The following MEFV variants were observed in gnomAD, a reference collection of about 807,000 sequenced individuals.
The protein encoded by MEFV is MEFV innate immunity regulator, pyrin.
A neutral mutation model predicts 62.5 loss-of-function variants in MEFV; 60 were observed. The ratio of observed to expected loss-of-function variants is 0.96; its 90% CI spans 0.78 to 1.19. The LOEUF (loss-of-function observed/expected upper bound fraction) is 1.19, where lower values mean the gene tolerates loss of function less well. MEFV is among the 50% of genes most tolerant of loss of function. The pLI, the probability that MEFV is intolerant of heterozygous loss-of-function variation, is 0.00. For missense variants in MEFV, 1,169 were observed against 1,004.5 expected (o/e 1.16, Z -2.21); for synonymous variants, 500 against 415.2 (o/e 1.20, Z -2.48).
chr16:3,250,066 G>A (rs1005402541), intron 2 of MEFV, among the ~76,000 whole-genome samples: 1 of 152,196 alleles, frequency 6.6e-6, no homozygotes, highest in African/African-American at 2.4e-5. Context: ...CTCCTGCACA[G>A]ACATAGATCT....
At position 3,256,295 on chromosome 16, in the gene MEFV, G is replaced by T. The variant is rs781767206; in HGVS notation, c.277+16C>A. 1 of 1,612,454 alleles carries T rather than the reference G, an allele frequency of 6.2e-7. No individual in the cohort carries two copies. The highest frequency in any genetic ancestry group is 2.2e-5 in the East Asian group (1 of 44,866). ...GCACTCAGCACTGGATGAGGAGGAG[G>T]CCTGGGCCCGCTTACCCTGAATGGC... On this transcript the variant is annotated intron_variant, in intron 1 of 9. Coordinates refer to ENST00000219596, the MANE Select transcript of MEFV (RefSeq NM_000243.3).
rs777845714 is a variant in MEFV at position 3,247,048 on chromosome 16, T to C, written c.1555A>G (p.Lys519Glu). 1 of 1,614,218 alleles carries C rather than the reference T, an allele frequency of 6.2e-7. No homozygotes were observed. Among genetic ancestry groups the C allele is most frequent in the South Asian group, 1.1e-5 (1 of 91,088 alleles). Reference protein sequence around the residue: ...LDALIGELEAKECQSEWELLQ... With the variant: ...LDALIGELEAEECQSEWELLQ... Reference sequence around the variant, plus strand: ...AGTTCCCATTCTGACTGGCACTCCTTGGCCTCCAGTTCCCCAATCAGCGCA... The same window carrying C: ...AGTTCCCATTCTGACTGGCACTCCTCGGCCTCCAGTTCCCCAATCAGCGCA... The change falls in exon 5 of 10, where the codon AAG becomes GAG. Residue 519 changes from lysine to glutamate, a missense_variant. Lys to Glu is a moderately conservative substitution (Grantham distance 56). Transcript: ENST00000219596.
chr16:3,244,008 T>G, intron 8 of MEFV, 116 bp from the exon 9 acceptor site: 3 of 1,560,316 alleles, frequency 1.9e-6, no homozygotes, highest in Non-Finnish European at 1.7e-6. Flanking sequence ...GGGCCCTGCA[T>G]GCTATGTTGG....
chr16:3,254,555 C>T lies in MEFV; in HGVS notation c.513G>A (p.Ala171=), dbSNP rs745622682. 1.9e-6 allele frequency: 3 copies of T among 1,560,152 alleles called. No individual in the cohort carries two copies. The highest frequency in any genetic ancestry group is 2.4e-5 in the East Asian group (1 of 42,252). ...RREKASEGLD[A]QGKPRTRSPA... ...GGCTCCGGGTCCGAGGCTTGCCCTG[C>T]GCGTCCAGGCCCTCCGAGGCCTTCT... Residue 171 remains alanine (A), a synonymous_variant, in exon 2 of 10, where the codon GCG becomes GCA. Coordinates refer to ENST00000219596, the MANE Select transcript of MEFV (RefSeq NM_000243.3).
At chr16:3,246,981 G>A in intron 5 of MEFV, 35 bp downstream of exon 5, 2 of 1,596,764 alleles carry the variant, frequency 1.3e-6, no homozygotes, top group Non-Finnish European at 1.7e-6. Flanking sequence ...GATAGGCACA[G>A]GGGACCCAAG....
intron 3 of MEFV, 105 bp downstream of exon 3, chr16:3,249,326 A>G: frequency 9.6e-7 from 1 of 1,041,830 alleles, no homozygotes. Context: ...CAGCCCAAGA[A>G]TGCTGGTTAA....
In MEFV at chr16:3,246,478, T is replaced by G. The variant is rs56260135; in HGVS notation, c.1610+47A>C. The stretch of plus-strand genomic sequence containing the variant: ...CCCTTCTGGGACTGTCTCCCCCATA[T>G]GCTTTCTGCAAGACACCCCAGGGTA... On this transcript the variant is annotated intron_variant, in intron 6 of 9. Transcript: ENST00000219596. The G allele has an allele frequency of 3.6e-3, 5,798 of 1,612,536 alleles. 18 individuals carry two copies. Among genetic ancestry groups the G allele is most frequent in the Admixed American group, 5.1e-3 (307 of 60,002 alleles).
Position 3,254,202 on chromosome 16 carries a change from G to T in MEFV, c.866C>A (p.Ala289Glu), listed in dbSNP as rs104895132. 6.2e-7 allele frequency: 1 copy of T among 1,614,236 alleles called. No homozygotes were observed. The highest frequency in any genetic ancestry group is 1.1e-5 in the South Asian group (1 of 91,088). ...ATTTCCAGGGCCTTCCTTCAGGTCCGCAGATGCCCCTCCATCCGGAGTGGG... is the reference window on the plus strand; with the variant it reads ...ATTTCCAGGGCCTTCCTTCAGGTCCTCAGATGCCCCTCCATCCGGAGTGGG... ...ARPTPDGGAS[A>E]DLKEGPGNPE... is the part of the protein sequence containing the mutation. Residue 289 changes from alanine (A) to glutamate (E), a missense_variant, in exon 2 of 10, where the codon GCG (alanine) becomes GAG (glutamate). Coordinates refer to ENST00000219596, the MANE Select transcript of MEFV (RefSeq NM_000243.3).
intron 6 of MEFV, among the ~76,000 whole-genome samples, chr16:3,245,304 GAAGGAAGGAAGA>G (rs1958924243): frequency 7.0e-6 from 1 of 142,218 alleles, no homozygotes; most frequent in South Asian, 2.6e-4. Context: ...GAAAAGAAAG[GAAGGAAGGAAGA>G]AAGGAAGGAA....
rs1489831475 is a variant in MEFV, at chr16:3,243,234, G to C, written c.2253C>G (p.Pro751=). ...TCCCAGGGCTGAAGATAGGTTGAAG[G>C]GGCCCAGAGAAAGAGCAGCTGGCGA... ...YTFASCSFSG[P]LQPIFSPGTR... is the part of the protein sequence containing the mutation. The change falls in exon 10 of 10, where the codon CCC becomes CCG. Residue 751 remains proline, a synonymous_variant. Transcript: ENST00000219596. 2 of 1,614,166 alleles carry C rather than the reference G, an allele frequency of 1.2e-6. No individual in the cohort carries two copies. Among genetic ancestry groups the C allele is most frequent in the South Asian group, 1.1e-5 (1 of 91,078 alleles).
At chr16:3,251,023 C>CAAAAA (rs58529756) in intron 2 of MEFV, among the ~76,000 whole-genome samples, 61 of 49,314 alleles carry the variant, frequency 1.2e-3, no homozygotes, top group Non-Finnish European at 1.9e-3. Flanking sequence ...GACTCCATCT[C>CAAAAA]AAAAAAAAAA....
At chr16:3,255,144 C>T (rs1306366557) in intron 1 of MEFV, among the ~76,000 whole-genome samples, 2 of 152,138 alleles carry the variant, frequency 1.3e-5, no homozygotes, top group African/African-American at 4.8e-5. Flanking sequence ...TGGCAAAACC[C>T]CGTTCCTACT....
intron 4 of MEFV, chr16:3,247,552 A>C (rs373692790): frequency 1.3e-5 from 1 of 75,614 alleles, no homozygotes; most frequent in East Asian, 3.2e-4. Context: ...ATTTGGAGAT[A>C]AGAGTTCTTG....
At chr16:3,244,335 G>A in intron 7 of MEFV, 49 bp from the exon 8 acceptor site, 1 of 1,612,996 alleles carries the variant, frequency 6.2e-7, no homozygotes, top group South Asian at 1.1e-5. Context: ...AGGTCCCTCA[G>A]CCAGGGACAG....
chr16:3,243,927 G>C, intron 8 of MEFV, 35 bp from the exon 9 acceptor site: 1 of 1,612,958 alleles, frequency 6.2e-7, no homozygotes, highest in Non-Finnish European at 8.5e-7. Context: ...AAAAAATCCT[G>C]AGCATTAGCA....
rs377754606 is a variant in MEFV, at chr16:3,249,625, G to A, written c.1066C>T (p.Gln356Ter). ...GGGCTCTTCCTTTCATGGGAGTCCT[G>A]GCACCGGGGGCAGCCAGGTGAGCGG... ...GSRSPGCPRC[Q>*]DSHERKSPGS... Residue 356 changes from glutamine (Q) to a stop codon, truncating the protein, a stop_gained, in exon 3 of 10, where the codon CAG (glutamine) becomes TAG (stop). Coordinates refer to ENST00000219596, the MANE Select transcript of MEFV (RefSeq NM_000243.3). LOFTEE classifies it high-confidence loss of function. 1 of 1,613,982 alleles carries A rather than the reference G, an allele frequency of 6.2e-7. No individual in the cohort carries two copies. The highest frequency in any genetic ancestry group is 8.5e-7 in the Non-Finnish European group (1 of 1,179,928).
chr16:3,247,462 C>T (rs964161483), intron 4 of MEFV: 12 of 587,990 alleles, frequency 2.0e-5, no homozygotes, highest in African/African-American at 3.7e-5. Flanking sequence ...TGTCCTTAAA[C>T]CTGGTGTTAA....
At position 3,243,187 on chromosome 16, in the gene MEFV, G is replaced by A; in HGVS notation, c.2300C>T (p.Thr767Ile). The change falls in exon 10 of 10, where the codon ACA (threonine) becomes ATA (isoleucine). Residue 767 changes from threonine to isoleucine, a missense_variant. By Grantham distance (89) the Thr-to-Ile change is moderately conservative. Transcript: ENST00000219596. ...CACTGGACAGATAGTCAGAGGAGCT[G>A]TGTTCTTCCCTCCATCACGTGTCCC... is the stretch of plus-strand genomic sequence containing the variant. ...SPGTRDGGKN[T>I]APLTICPVGG... The A allele has an allele frequency of 1.2e-6, 2 of 1,614,100 alleles. No individual in the cohort carries two copies. The highest frequency in any genetic ancestry group is 8.5e-7 in the Non-Finnish European group (1 of 1,180,040).
chr16:3,248,669 C>A, intron 4 of MEFV: 2 of 1,299,802 alleles, frequency 1.5e-6, no homozygotes, highest in Non-Finnish European at 2.0e-6. Context: ...TTGCTCTCTA[C>A]CATCTTCTGG....
Sources: allele counts gnomAD v4.1 joint callset (sites outside exome capture counted in the v4.1 genomes callset), GRCh38; gene constraint gnomAD v4.1.1; transcripts MANE v1.5; gene names NCBI Gene and HGNC (gene_info 2026-07-23, HGNC 2026-07-21).